XRCC5: variants seen among roughly 807,000 people sequenced by gnomAD.
XRCC5 encodes the protein X-ray repair cross complementing 5.
Under a neutral mutation model 95.7 loss-of-function variants are expected in XRCC5, and 12 were observed. The observed-to-expected ratio is 0.13, with a 90% CI of 0.08 to 0.20. The LOEUF (loss-of-function observed/expected upper bound fraction) is 0.20, where lower values mean the gene tolerates loss of function less well. Among genes scored for constraint, XRCC5 ranks in the 10% least tolerant of loss-of-function variants. The pLI, the probability that XRCC5 is intolerant of heterozygous loss-of-function variation, is 1.00. For missense variants in XRCC5, 595 were observed against 873.9 expected (o/e 0.68, Z 4.02); for synonymous variants, 281 against 290.3 (o/e 0.97, Z 0.33).
At chr2:216,156,671 C>A in intron 14 of XRCC5, 1 of 546,958 alleles carries the variant, frequency 1.8e-6, no homozygotes. Context: ...TCATAACTCA[C>A]TGCAATTATT....
At chr2:216,175,234 A>T in intron 16 of XRCC5, 1 of 388,558 alleles carries the variant, frequency 2.6e-6, no homozygotes, top group East Asian at 6.4e-5. Flanking sequence ...CTCCACATCC[A>T]TTATATCCAC....
intron 13 of XRCC5, among the ~76,000 whole-genome samples, chr2:216,144,109 A>C (rs1697214995): frequency 6.6e-6 from 1 of 152,172 alleles, no homozygotes; most frequent in Admixed American, 6.5e-5. Context: ...ACACCATGAG[A>C]ATAAGAAGAA....
At chr2:216,143,625 T>C (rs970650250) in intron 13 of XRCC5, among the ~76,000 whole-genome samples, 1 of 152,264 alleles carries the variant, frequency 6.6e-6, no homozygotes, top group African/African-American at 2.4e-5. Context: ...GTATCTTCAC[T>C]AGGATACATA....
At chr2:216,119,017 C>A in intron 4 of XRCC5, 26 bp from the exon 5 acceptor site, 1 of 1,607,286 alleles carries the variant, frequency 6.2e-7, no homozygotes, top group Non-Finnish European at 8.5e-7. Flanking sequence ...AGAATGATTT[C>A]TTAATATGAT....
chr2:216,185,418 T>A (rs1365529387), intron 16 of XRCC5, among the ~76,000 whole-genome samples: 1 of 152,228 alleles, frequency 6.6e-6, no homozygotes, highest in Non-Finnish European at 1.5e-5. Flanking sequence ...CAGACTTTCT[T>A]ATCAGGCAAA....
Position 216,119,106 on chromosome 2 carries a change from A to C in XRCC5, c.432A>C (p.Lys144Asn). The change falls in exon 5 of 21, where the codon AAA becomes AAC. Residue 144 changes from lysine to asparagine, a missense_variant. Transcript: ENST00000392132. ...IFTDLSSRFS[K>N]SQLDIIIHSL... is the part of the protein sequence containing the mutation. ...CTGACCTCAGCAGCCGATTCAGCAA[A>C]AGTCAGCTGGATATTATAATTCATA... is the stretch of plus-strand genomic sequence containing the variant. 6.2e-7 allele frequency: 1 copy of C among 1,614,118 alleles called. No individual in the cohort carries two copies. The highest frequency in any genetic ancestry group is 8.5e-7 in the Non-Finnish European group (1 of 1,179,980).
At chr2:216,110,692 T>C (rs1053639864) in intron 1 of XRCC5, 9 of 152,260 alleles carry the variant, frequency 5.9e-5, no homozygotes, top group African/African-American at 2.2e-4. Flanking sequence ...TGGCACTTAC[T>C]GGATACCTAA....
intron 14 of XRCC5, among the ~76,000 whole-genome samples, chr2:216,155,624 A>G (rs1026349669): frequency 2.0e-4 from 30 of 152,204 alleles, no homozygotes; most frequent in Non-Finnish European, 5.9e-5. Flanking sequence ...TGGTAGATCC[A>G]TATCATGGAT....
chr2:216,125,307 C>G (rs1696884158), intron 6 of XRCC5, among the ~76,000 whole-genome samples: 1 of 151,904 alleles, frequency 6.6e-6, no homozygotes, highest in Admixed American at 6.6e-5. Context: ...AAGTGATTCT[C>G]CTACCTCAGC....
At chr2:216,174,380 T>C (rs16841786) in intron 16 of XRCC5, among the ~76,000 whole-genome samples, 1,741 of 152,350 alleles carry the variant, frequency 0.011, 34 homozygotes, top group African/African-American at 0.039. Flanking sequence ...TATGTTTCTT[T>C]ATAGTTAACT....
intron 16 of XRCC5, among the ~76,000 whole-genome samples, chr2:216,162,528 A>C (rs1364906235): frequency 6.6e-6 from 1 of 151,546 alleles, no homozygotes; most frequent in African/African-American, 2.4e-5. Flanking sequence ...CAGCCTCCCG[A>C]GTAGCTGGGA....
At chr2:216,201,081 C>A (rs1431799636) in intron 19 of XRCC5, among the ~76,000 whole-genome samples, 4 of 152,026 alleles carry the variant, frequency 2.6e-5, no homozygotes. Flanking sequence ...TGTTTTTGAG[C>A]GAAATTAGTT....
In XRCC5 at chr2:216,205,282, C is replaced by T; in HGVS notation, c.*80C>T. On this transcript the variant is annotated 3_prime_UTR_variant, in exon 21 of 21. Coordinates refer to ENST00000392132, the MANE Select transcript of XRCC5 (RefSeq NM_021141.4). ...TCTAACAAAACAAGTTGGATGCGGC[C>T]ATTCAAGGGGAGCCAAAATCTCAAG... 7 of 1,583,434 alleles carry T rather than the reference C, an allele frequency of 4.4e-6. No homozygotes were observed. Among genetic ancestry groups the T allele is most frequent in the Non-Finnish European group, 5.2e-6 (6 of 1,152,344 alleles).
chr2:216,181,105 G>A (rs904918795), intron 16 of XRCC5, among the ~76,000 whole-genome samples: 2 of 152,008 alleles, frequency 1.3e-5, no homozygotes, highest in African/African-American at 4.8e-5. Context: ...GAACCACTGC[G>A]CCCGGCCTTG....
chr2:216,143,437 A>T (rs1697202145), intron 13 of XRCC5, among the ~76,000 whole-genome samples: 1 of 152,202 alleles, frequency 6.6e-6, no homozygotes. Context: ...ACTATTTTGC[A>T]CACTTATCTA....
intron 16 of XRCC5, among the ~76,000 whole-genome samples, chr2:216,169,838 G>A (rs776846666): frequency 8.7e-5 from 13 of 149,040 alleles, no homozygotes; most frequent in Non-Finnish European, 1.9e-4. Context: ...GAGGTCAAGA[G>A]ATTGAGACCA....
At chr2:216,111,895 A>G (rs1041256544) in intron 1 of XRCC5, among the ~76,000 whole-genome samples, 1 of 152,180 alleles carries the variant, frequency 6.6e-6, no homozygotes, top group African/African-American at 2.4e-5. Flanking sequence ...ATGGGACTAG[A>G]TCCCAGGTCT....
intron 5 of XRCC5, among the ~76,000 whole-genome samples, chr2:216,121,095 A>T (rs947774352): frequency 6.6e-6 from 1 of 152,174 alleles, no homozygotes; most frequent in Non-Finnish European, 1.5e-5. Context: ...AACGCAGAAT[A>T]GACAGAACAG....
chr2:216,173,516 AGTT>A (rs1320006528), intron 16 of XRCC5, among the ~76,000 whole-genome samples: 5 of 152,334 alleles, frequency 3.3e-5, no homozygotes, highest in African/African-American at 1.2e-4. Flanking sequence ...ATTGACTTAT[AGTT>A]GTTAAATCAA....
Sources: gnomAD v4.1 joint callset for allele counts (sites outside exome capture counted in the v4.1 genomes callset) on GRCh38, gnomAD v4.1.1 for gene constraint, MANE v1.5 for transcripts, NCBI Gene and HGNC (gene_info 2026-07-23, HGNC 2026-07-21) for gene names.